The following PPP1R13B variants were observed in gnomAD, a reference collection of about 807,000 sequenced individuals.
The protein encoded by PPP1R13B is apoptosis-stimulating of p53 protein 1.
A neutral mutation model predicts 119.8 loss-of-function variants in PPP1R13B; 44 were observed. The ratio of observed to expected loss-of-function variants is 0.37; its 90% CI spans 0.29 to 0.47. The LOEUF is 0.47. Among genes scored for constraint, PPP1R13B ranks in the 20% least tolerant of loss-of-function variants. The pLI, the probability that PPP1R13B is intolerant of heterozygous loss-of-function variation, is 0.99. For missense variants in PPP1R13B, 1,227 were observed against 1,413.5 expected (o/e 0.87, Z 2.12); for synonymous variants, 542 against 561.5 (o/e 0.97, Z 0.49).
chr14:103,822,138 CT>C (rs1054527061), intron 1 of PPP1R13B, among the ~76,000 whole-genome samples: 163 of 145,950 alleles, frequency 1.1e-3, no homozygotes, highest in Non-Finnish European at 6.8e-4. Context: ...CAAAAAGCCA[CT>C]TTTTTTTTTT....
rs2085424135 is a variant in PPP1R13B, at chr14:103,784,988, TTAAA to T, written c.158-78_158-75del. Reference sequence around the variant, plus strand: ...ACCAAAAGTAAATTTTGTAAAAAACTTAAATGAATGTATATATGCACACATGTAT... The same window carrying T: ...ACCAAAAGTAAATTTTGTAAAAAACTTGAATGTATATATGCACACATGTAT... On this transcript the variant is annotated intron_variant, in intron 2 of 16. Transcript: ENST00000202556. 3.6e-6 allele frequency: 5 copies of T among 1,382,564 alleles called. No individual in the cohort carries two copies. The South Asian group carries it at 4.7e-5, about 13-fold the overall frequency. 85.6% of individuals were successfully genotyped at this position (1,382,564 alleles called of 1,614,324 possible).
At chr14:103,787,385 T>C (rs967690607) in intron 2 of PPP1R13B, among the ~76,000 whole-genome samples, 2 of 151,652 alleles carry the variant, frequency 1.3e-5, no homozygotes, top group Middle Eastern at 3.2e-3. Flanking sequence ...GAGGTGGAGG[T>C]TGTGGACAGC....
At chr14:103,750,032 T>G in intron 7 of PPP1R13B, 98 bp from the exon 8 acceptor site, 2 of 1,355,254 alleles carry the variant, frequency 1.5e-6, no homozygotes, top group South Asian at 1.4e-5. Flanking sequence ...CATTAAGTTC[T>G]CATGTATATT....
chr14:103,734,742 GGGC>G lies in PPP1R13B; in HGVS notation c.*409_*411del. On this transcript the variant is annotated 3_prime_UTR_variant, in exon 17 of 17. Transcript: ENST00000202556. ...GTGTCCGATTCGGTGACGGGGGGCA[GGGC>G]GGTCGCAGGGGAGCAGGCCTCACAG... The G allele has an allele frequency of 2.2e-6, 1 of 462,690 alleles. No individual in the cohort carries two copies. The allele number at this position is 462,690 out of a possible 1,614,324, so 28.7% of individuals were successfully genotyped here.
intron 12 of PPP1R13B, among the ~76,000 whole-genome samples, chr14:103,739,442 T>C (rs1271569191): frequency 2.0e-5 from 3 of 152,198 alleles, no homozygotes; most frequent in African/African-American, 7.2e-5. Flanking sequence ...TTCCCTGAGA[T>C]GGCGCCTGGC....
intron 4 of PPP1R13B, among the ~76,000 whole-genome samples, chr14:103,773,448 C>T (rs144187585): frequency 6.6e-6 from 1 of 152,276 alleles, no homozygotes; most frequent in African/African-American, 2.4e-5. Flanking sequence ...GCTCTGCTCA[C>T]AAGGGAGGAT....
At position 103,782,110 on chromosome 14, in the gene PPP1R13B, A is replaced by G. The variant is rs144447198; in HGVS notation, c.277+2685T>C. 3.9e-3 allele frequency among the ~76,000 whole-genome samples: 588 copies of G among 152,222 alleles called. 5 individuals carry two copies. The highest frequency in any genetic ancestry group is 0.014 in the African/African-American group (563 of 41,556). On this transcript the variant is annotated intron_variant, in intron 3 of 16. Coordinates refer to ENST00000202556, the MANE Select transcript of PPP1R13B (RefSeq NM_015316.3). ...ACCCTCCCTCCTCTGTTCTACAGCC[A>G]CTTTTCCCTTTCCCCCCAGGCCAAC...
intron 1 of PPP1R13B, among the ~76,000 whole-genome samples, chr14:103,821,565 A>C (rs903270184): frequency 6.6e-6 from 1 of 152,172 alleles, no homozygotes; most frequent in Non-Finnish European, 1.5e-5. Flanking sequence ...CAGCCTAACC[A>C]ACATGGAGTA....
At chr14:103,762,953 A>G (rs916454952) in intron 4 of PPP1R13B, 4 of 1,083,622 alleles carry the variant, frequency 3.7e-6, no homozygotes, top group African/African-American at 3.1e-5. Flanking sequence ...TATCTGCTAA[A>G]TAAAAGTACC....
intron 1 of PPP1R13B, among the ~76,000 whole-genome samples, chr14:103,836,250 T>C (rs2086775126): frequency 6.6e-6 from 1 of 150,868 alleles, no homozygotes; most frequent in Non-Finnish European, 1.5e-5. Flanking sequence ...TTCACTATGT[T>C]GGCGAGGCTG....
intron 1 of PPP1R13B, among the ~76,000 whole-genome samples, chr14:103,838,256 A>T (rs1342339201): frequency 6.6e-6 from 1 of 152,046 alleles, no homozygotes; most frequent in Non-Finnish European, 1.5e-5. Flanking sequence ...ACAGCTCTTC[A>T]CAATGGGGTC....
chr14:103,835,034 T>G (rs2086742203), intron 1 of PPP1R13B, among the ~76,000 whole-genome samples: 1 of 152,240 alleles, frequency 6.6e-6, no homozygotes, highest in African/African-American at 2.4e-5. Flanking sequence ...GTGATCCTTT[T>G]CTGACTGAAT....
chr14:103,805,295 G>A (rs954843122), intron 1 of PPP1R13B, among the ~76,000 whole-genome samples: 3 of 152,156 alleles, frequency 2.0e-5, no homozygotes, highest in African/African-American at 4.8e-5. Flanking sequence ...ACAAGGCCAG[G>A]AACGGTGGCT....
At chr14:103,820,738 T>A (rs976749865) in intron 1 of PPP1R13B, among the ~76,000 whole-genome samples, 27 of 147,348 alleles carry the variant, frequency 1.8e-4, no homozygotes, top group Admixed American at 1.8e-3. Context: ...TCCCAAGTGA[T>A]CCTCCCACCT....
chr14:103,761,677 C>T (rs562213962), intron 4 of PPP1R13B, among the ~76,000 whole-genome samples: 9 of 151,620 alleles, frequency 5.9e-5, no homozygotes, highest in East Asian at 3.9e-4. Context: ...GCAGGATAAT[C>T]GCTTGAACCC....
chr14:103,736,347 T>C (rs1047185488), intron 15 of PPP1R13B, 145 bp from the exon 16 acceptor site: 11 of 815,110 alleles, frequency 1.3e-5, no homozygotes, highest in East Asian at 2.6e-5. Flanking sequence ...TGAGACACTA[T>C]TGAAGACTAG....
At chr14:103,749,956 C>T (rs2295140) in intron 7 of PPP1R13B, 22 bp from the exon 8 acceptor site, 779,070 of 1,602,742 alleles carry the variant, frequency 0.49, 195,672 homozygotes, top group African/African-American at 0.85. Flanking sequence ...AAAATACAAC[C>T]TTTATGATTT....
chr14:103,820,161 G>A (rs901064883), intron 1 of PPP1R13B, among the ~76,000 whole-genome samples: 7 of 152,166 alleles, frequency 4.6e-5, no homozygotes, highest in African/African-American at 1.4e-4. Flanking sequence ...GGAGGGACGC[G>A]TGAGAAGCAG....
intron 1 of PPP1R13B, among the ~76,000 whole-genome samples, chr14:103,810,373 G>GT (rs2086121923): frequency 6.6e-6 from 1 of 152,124 alleles, no homozygotes; most frequent in Admixed American, 6.5e-5. Context: ...AGTGAGCCAA[G>GT]TGACAGAGTG....
Sources: allele counts gnomAD v4.1 joint callset (sites outside exome capture counted in the v4.1 genomes callset), GRCh38; gene constraint gnomAD v4.1.1; transcripts MANE v1.5; gene names NCBI Gene and HGNC (gene_info 2026-07-23, HGNC 2026-07-21).